The following PCDHGA4 variants were observed in gnomAD, a reference collection of about 807,000 sequenced individuals.
PCDHGA4 encodes the protein protocadherin gamma subfamily A, 4.
PCDHGA4 carries 38 observed loss-of-function variants against 54.6 expected under a neutral mutation model. The ratio of observed to expected loss-of-function variants is 0.70; its 90% CI spans 0.54 to 0.91. The LOEUF is 0.91. Ranked by LOEUF, PCDHGA4 falls within the 40% of genes least tolerant of loss-of-function variation. PCDHGA4 has a pLI of 0.00. For synonymous variants in PCDHGA4, 511 were observed against 512.9 expected, an observed-to-expected ratio of 1.00 and a Z score of 0.05; for missense variants, 1,298 against 1,220.9, an observed-to-expected ratio of 1.06 and a Z score of -0.94.
At chr5:141,472,359 G>T (rs2099278248) in intron 1 of PCDHGA4, among the ~76,000 whole-genome samples, 1 of 151,944 alleles carries the variant, frequency 6.6e-6, no homozygotes, top group Admixed American at 6.6e-5. Flanking sequence ...GGCTAACACG[G>T]TGAAACCCCG....
chr5:141,447,388 T>C (rs1302757515), intron 1 of PCDHGA4, among the ~76,000 whole-genome samples: 3 of 152,166 alleles, frequency 2.0e-5, no homozygotes, highest in African/African-American at 7.2e-5. Flanking sequence ...TCTGCCCACC[T>C]CGGCCTCCCA....
chr5:141,423,758 G>GGT (rs138224377), intron 1 of PCDHGA4: 10 of 366,772 alleles, frequency 2.7e-5, no homozygotes, highest in Non-Finnish European at 1.5e-5. Flanking sequence ...TTTGGGGGGG[G>GGT]GGTGGGGCGG....
chr5:141,399,642 G>T lies in PCDHGA4; in HGVS notation c.2514+42021G>T. 1.9e-6 allele frequency: 3 copies of T among 1,613,750 alleles called. 1 individual carries two copies. Among genetic ancestry groups the T allele is most frequent in the Non-Finnish European group, 2.5e-6 (3 of 1,179,856 alleles). ...TGGCCTCTTACGTGTCCATGAGCGC[G>T]CAAAGTGGGGTGGTGTTCGCGCAGC... On this transcript the variant is annotated intron_variant, in intron 1 of 3. Transcript: ENST00000571252.
At position 141,432,458 on chromosome 5, in the gene PCDHGA4, C is replaced by T. The variant is rs1368524835; in HGVS notation, c.2515-62349C>T. 1.9e-6 allele frequency: 3 copies of T among 1,614,136 alleles called. No individual in the cohort carries two copies. The highest frequency in any genetic ancestry group is 8.5e-7 in the Non-Finnish European group (1 of 1,180,066). ...TGCGCCCGAGATCCTGTACCCCGCC[C>T]TCCCCACGGACGGTTCCACTGGCGT... On this transcript the variant is annotated intron_variant, in intron 1 of 3. Transcript: ENST00000571252. This position sits in a 1 kb window ranked among gnomAD's most constrained non-coding sequence, Gnocchi z 6.0.
Position 141,432,757 on chromosome 5 carries a change from C to T in PCDHGA4, c.2515-62050C>T. On this transcript the variant is annotated intron_variant, in intron 1 of 3. Coordinates refer to ENST00000571252, the MANE Select transcript of PCDHGA4 (RefSeq NM_018917.4). This position sits in a 1 kb window ranked among gnomAD's most constrained non-coding sequence, Gnocchi z 6.0. ...TCACGCTCACCGTGGCCGTGGCCGA[C>T]AGCATCCCCCAAGTCCTGGCGGACC... is the stretch of plus-strand genomic sequence containing the variant. 1.2e-6 allele frequency: 2 copies of T among 1,614,150 alleles called. No individual in the cohort carries two copies. Among genetic ancestry groups the T allele is most frequent in the African/African-American group, 1.3e-5 (1 of 75,076 alleles).
chr5:141,483,573 G>A (rs2099583012), intron 1 of PCDHGA4, among the ~76,000 whole-genome samples: 1 of 152,072 alleles, frequency 6.6e-6, no homozygotes, highest in Non-Finnish European at 1.5e-5. Context: ...GTGAATTCTG[G>A]CATAAACACC....
chr5:141,418,372 A>T (rs771262387), intron 1 of PCDHGA4: 25 of 1,613,968 alleles, frequency 1.5e-5, no homozygotes, highest in Non-Finnish European at 2.1e-5. Flanking sequence ...GCAAATACCA[A>T]CTAAGTCCTA....
intron 1 of PCDHGA4, among the ~76,000 whole-genome samples, chr5:141,447,233 G>A (rs565398752): frequency 2.6e-5 from 4 of 152,028 alleles, no homozygotes; most frequent in Non-Finnish European, 4.4e-5. Flanking sequence ...TCCGCCTCCC[G>A]GGTTCAAGTG....
intron 1 of PCDHGA4, chr5:141,421,290 G>C (rs2096561632): frequency 6.2e-7 from 1 of 1,613,130 alleles, no homozygotes; most frequent in African/African-American, 1.3e-5. Flanking sequence ...GCATTTTCCT[G>C]GGGACGCTGC....
chr5:141,476,438 C>G lies in PCDHGA4; in HGVS notation c.2515-18369C>G. On this transcript the variant is annotated intron_variant, in intron 1 of 3. Coordinates refer to ENST00000571252, the MANE Select transcript of PCDHGA4 (RefSeq NM_018917.4). This position sits in a 1 kb window ranked among gnomAD's most constrained non-coding sequence, Gnocchi z 7.6. The stretch of plus-strand genomic sequence containing the variant: ...GACACTGCCCTCTTGCACTGTAACT[C>G]TGGAGTTGGTAGTGGAGAACCCGCT... 1 of 1,614,090 alleles carries G rather than the reference C, an allele frequency of 6.2e-7. No homozygotes were observed. Among genetic ancestry groups the G allele is most frequent in the Non-Finnish European group, 8.5e-7 (1 of 1,180,026 alleles).
At chr5:141,494,455 G>A (rs906714175) in intron 1 of PCDHGA4, among the ~76,000 whole-genome samples, 2 of 152,156 alleles carry the variant, frequency 1.3e-5, no homozygotes, top group African/African-American at 4.8e-5. Flanking sequence ...AGGGGGCTTT[G>A]TCTGCACCTC....
intron 1 of PCDHGA4, chr5:141,370,790 C>A: frequency 6.2e-7 from 1 of 1,614,040 alleles, no homozygotes; most frequent in Non-Finnish European, 8.5e-7. Context: ...ACCCACCGAC[C>A]TTTAGCCAAA....
At chr5:141,425,021 CT>C (rs1561817318) in intron 1 of PCDHGA4, among the ~76,000 whole-genome samples, 1 of 152,054 alleles carries the variant, frequency 6.6e-6, no homozygotes, top group Non-Finnish European at 1.5e-5. Context: ...AGGAATTTAC[CT>C]TATGTCATTA....
intron 3 of PCDHGA4, among the ~76,000 whole-genome samples, chr5:141,509,420 G>A (rs1384424118): frequency 6.6e-6 from 1 of 152,128 alleles, no homozygotes; most frequent in East Asian, 1.9e-4. Context: ...GAGCCCCAAT[G>A]AGTCAAACTC....
rs200598354 is a variant in PCDHGA4 at position 141,365,666 on chromosome 5, A to G, written c.2514+8045A>G. ...CATCCCCTTGAAAGTAGCAGACGTT[A>G]ATGACAACCCACCCAATTTCCCTCA... is the stretch of plus-strand genomic sequence containing the variant. On this transcript the variant is annotated intron_variant, in intron 1 of 3. Coordinates refer to ENST00000571252, the MANE Select transcript of PCDHGA4 (RefSeq NM_018917.4). The G allele has an allele frequency of 2.4e-4, 388 of 1,613,398 alleles. No homozygotes were observed. Among genetic ancestry groups the G allele is most frequent in the Admixed American group, 8.2e-4 (49 of 60,008 alleles).
chr5:141,405,089 G>T, intron 1 of PCDHGA4: 2 of 1,613,878 alleles, frequency 1.2e-6, no homozygotes, highest in South Asian at 2.2e-5. Context: ...CACGCTGCTG[G>T]CCCTCAGGCT....
intron 1 of PCDHGA4, among the ~76,000 whole-genome samples, chr5:141,445,357 G>C (rs115045385): frequency 0.013 from 1,909 of 152,252 alleles, 31 homozygotes; most frequent in African/African-American, 0.044. Flanking sequence ...GTCTGCCCAA[G>C]TCTGGTCCTG....
intron 1 of PCDHGA4, among the ~76,000 whole-genome samples, chr5:141,438,788 A>G (rs1024095720): frequency 3.3e-5 from 5 of 149,742 alleles, no homozygotes; most frequent in Non-Finnish European, 7.4e-5. Flanking sequence ...CAGCCTCTCC[A>G]GTAGCTGGGA....
Position 141,428,162 on chromosome 5 carries a change from G to A in PCDHGA4, c.2515-66645G>A, listed in dbSNP as rs75153946. The A allele has an allele frequency of 9.5e-4, 1,493 of 1,569,102 alleles. 9 individuals are homozygous for A. The African/African-American group carries it at 0.016, about 16-fold the overall frequency. On this transcript the variant is annotated intron_variant, in intron 1 of 3. Coordinates refer to ENST00000571252, the MANE Select transcript of PCDHGA4 (RefSeq NM_018917.4). ...GGCTGCACACGGGAACCTGCTGGTT[G>A]CTGTGCGTGACGGAGGACAGCCGCC...
Sources: allele counts gnomAD v4.1 joint callset (sites outside exome capture counted in the v4.1 genomes callset), GRCh38; gene constraint gnomAD v4.1.1; non-coding constraint Gnocchi (gnomAD v3.1); transcripts MANE v1.5; gene names NCBI Gene and HGNC (gene_info 2026-07-23, HGNC 2026-07-21).